Variants in SLC39A5 observed in about 807,000 individuals in gnomAD.
SLC39A5 encodes solute carrier family 39 member 5.
A neutral mutation model predicts 46.9 loss-of-function variants in SLC39A5; 42 were observed. That is an observed-to-expected ratio of 0.90 (90% CI 0.70 to 1.16). The LOEUF (loss-of-function observed/expected upper bound fraction) is 1.16. Ranked by LOEUF, SLC39A5 falls within the 50% of genes most tolerant of loss-of-function variation. SLC39A5 has a pLI of 0.00. For synonymous variants in SLC39A5, 311 were observed against 323.1 expected, an observed-to-expected ratio of 0.96 and a Z score of 0.40; for missense variants, 677 against 686.8, an observed-to-expected ratio of 0.99 and a Z score of 0.16.
chr12:56,235,363 T>A, intron 7 of SLC39A5, 37 bp downstream of exon 7: 1 of 1,506,048 alleles, frequency 6.6e-7, no homozygotes, highest in Non-Finnish European at 8.8e-7. Context: ...CTGGCCTCCA[T>A]GGATCTAAGG....
Position 56,231,215 on chromosome 12 carries a change from C to T in SLC39A5, c.-60C>T, listed in dbSNP as rs1565596839. The T allele has an allele frequency of 2.0e-6, 3 of 1,514,402 alleles. No homozygotes were observed. The highest frequency in any genetic ancestry group is 2.7e-6 in the Non-Finnish European group (3 of 1,122,992). The allele number at this position is 1,514,402 out of a possible 1,614,324, so 93.8% of individuals were successfully genotyped here. On this transcript the variant is annotated 5_prime_UTR_variant, in exon 4 of 13. Transcript: ENST00000454355. ...CCTCATTCTTCCAGGGCACAGTCCT[C>T]AGGATGTTTCGGGGAGAATAGGAGC...
In SLC39A5 at chr12:56,237,345, G is replaced by A. The variant is rs779311053; in HGVS notation, c.1479+5G>A. On this transcript the variant is annotated splice_donor_5th_base_variant and intron_variant, in intron 12 of 12. Transcript: ENST00000454355. Reference sequence around the variant, plus strand: ...TATGTGGCCCTTGTGGACATGGTGAGAGATGTCGGGTAGAGCAGAGAAATC... The same window carrying A: ...TATGTGGCCCTTGTGGACATGGTGAAAGATGTCGGGTAGAGCAGAGAAATC... The A allele has an allele frequency of 2.5e-6, 4 of 1,581,916 alleles. No individual in the cohort carries two copies. The Admixed American group carries it at 7.0e-5, about 28-fold the overall frequency.
intron 7 of SLC39A5, 116 bp from the exon 8 acceptor site, chr12:56,235,444 C>T: frequency 6.6e-7 from 1 of 1,511,396 alleles, no homozygotes; most frequent in Middle Eastern, 1.9e-4. Context: ...ATCCTGGCTT[C>T]AGCCCACAGC....
Position 56,237,149 on chromosome 12 carries a change from G to C in SLC39A5, c.1289-1G>C, listed in dbSNP as rs199593141. The C allele has an allele frequency of 6.2e-7, 1 of 1,613,794 alleles. No homozygotes were observed. The highest frequency in any genetic ancestry group is 1.7e-5 in the Admixed American group (1 of 60,022). ...CCCATCCTGTCCTCTGTCTCCAATA[G>C]GTGACTTTGCCATGCTGCTCCAGTC... is the stretch of plus-strand genomic sequence containing the variant. On this transcript the variant is annotated splice_acceptor_variant, in intron 11 of 12. Transcript: ENST00000454355. LOFTEE classifies it high-confidence loss of function.
Position 56,237,752 on chromosome 12 carries a change from C to G in SLC39A5, c.*21C>G. 1 of 1,510,956 alleles carries G rather than the reference C, an allele frequency of 6.6e-7. No individual in the cohort carries two copies. 93.6% of individuals were successfully genotyped at this position (1,510,956 alleles called of 1,614,324 possible). A position where few individuals can be genotyped will look rare whatever the true frequency, so the allele number is the denominator to read the frequency against. On this transcript the variant is annotated 3_prime_UTR_variant, in exon 13 of 13. Transcript: ENST00000454355. ...GCTGATGGGGCCAGTGGAAAGGGGTCGGGTTGCCCTTCCTTCCCCCCAACC... is the reference window on the plus strand; with the variant it reads ...GCTGATGGGGCCAGTGGAAAGGGGTGGGGTTGCCCTTCCTTCCCCCCAACC...
At position 56,235,276 on chromosome 12, in the gene SLC39A5, C is replaced by T; in HGVS notation, c.754C>T (p.Leu252=). The change falls in exon 7 of 13, where the codon CTG becomes TTG. Residue 252 remains leucine, a synonymous_variant. Coordinates refer to ENST00000454355, the MANE Select transcript of SLC39A5 (RefSeq NM_173596.3). ...GCCCTTGCTGGGCTTCCTGGGGGCC[C>T]TGGCGGTGGGCACTCTTTGTGGGGA... ...LRPLLGFLGA[L]AVGTLCGDAL... 1 of 1,560,632 alleles carries T rather than the reference C, an allele frequency of 6.4e-7. No homozygotes were observed. Among genetic ancestry groups the T allele is most frequent in the Non-Finnish European group, 8.6e-7 (1 of 1,159,078 alleles).
Position 56,235,137 on chromosome 12 carries a change from C to G in SLC39A5, c.635-20C>G, listed in dbSNP as rs1870609221. The G allele has an allele frequency of 6.5e-7, 1 of 1,544,424 alleles. No homozygotes were observed. The highest frequency in any genetic ancestry group is 1.4e-5 in the African/African-American group (1 of 72,986). On this transcript the variant is annotated intron_variant, in intron 6 of 12. Coordinates refer to ENST00000454355, the MANE Select transcript of SLC39A5 (RefSeq NM_173596.3). ...CCCTCCTCTTGCCCTGACCTAACTTCAGCCCCTGATTCTCCCCAGCCCTGC... is the reference window on the plus strand; with the variant it reads ...CCCTCCTCTTGCCCTGACCTAACTTGAGCCCCTGATTCTCCCCAGCCCTGC...
rs190059993 is a variant in SLC39A5, at chr12:56,234,910, A to C, written c.558A>C (p.Pro186=). Residue 186 remains proline (P), a synonymous_variant, in exon 6 of 13, where the codon CCA becomes CCC. Coordinates refer to ENST00000454355, the MANE Select transcript of SLC39A5 (RefSeq NM_173596.3). Reference sequence around the variant, plus strand: ...CTCGTCAGTTTGCTCTGCTGTGCCCAGCCCTGCTTTATCAGATCGACAGCC... The same window carrying C: ...CTCGTCAGTTTGCTCTGCTGTGCCCCGCCCTGCTTTATCAGATCGACAGCC... The part of the protein sequence containing the change: ...LTPRQFALLC[P]ALLYQIDSRV... 909 of 1,613,854 alleles carry C rather than the reference A, an allele frequency of 5.6e-4. 19 individuals are homozygous for C. The East Asian group carries it at 0.017, about 30-fold the overall frequency.
In SLC39A5 at chr12:56,232,889, C is replaced by T. The variant is rs1870366695; in HGVS notation, c.471+17C>T. On this transcript the variant is annotated intron_variant, in intron 5 of 12. Coordinates refer to ENST00000454355, the MANE Select transcript of SLC39A5 (RefSeq NM_173596.3). ...AATGAGGATGTGAGTCTGACGGTCT[C>T]TAGAGGGGAAGGAGCCATGGGATTA... The T allele has an allele frequency of 6.3e-7, 1 of 1,598,110 alleles. No individual in the cohort carries two copies. Among genetic ancestry groups the T allele is most frequent in the Non-Finnish European group, 8.5e-7 (1 of 1,174,164 alleles).
rs912571272 is a variant in SLC39A5 at position 56,231,285 on chromosome 12, C to G, written c.11C>G (p.Ser4Cys). 2.5e-6 allele frequency: 4 copies of G among 1,606,242 alleles called. No individual in the cohort carries two copies. The highest frequency in any genetic ancestry group is 1.3e-5 in the African/African-American group (1 of 74,808). MMGSPVSHLLAGFC... is the reference protein window; with the variant it reads MMGCPVSHLLAGFC... ...CTATTCCCCTCACCAATGATGGGGT[C>G]CCCAGTGAGTCATCTGCTGGCCGGC... is the stretch of plus-strand genomic sequence containing the variant. The change falls in exon 4 of 13, where the codon TCC becomes TGC. Residue 4 changes from serine to cysteine, a missense_variant. Transcript: ENST00000454355.
rs374210703 is a variant in SLC39A5 at position 56,236,426 on chromosome 12, G to A, written c.976G>A (p.Glu326Lys). The A allele has an allele frequency of 1.3e-5, 21 of 1,614,114 alleles. No individual in the cohort carries two copies. In the Admixed American group the frequency reaches 1.3e-4, roughly 10 times the overall value. ...RCCRRKRRNL[E>K]TRNLDPENGS... ...CTGCAGGCGAAAACGAAGGAATCTC[G>A]AAACACGCAACTTGGATCCGGAGAA... is the stretch of plus-strand genomic sequence containing the variant. Residue 326 changes from glutamate (E) to lysine (K), a missense_variant, in exon 9 of 13, where the codon GAA becomes AAA. Transcript: ENST00000454355.
rs748438321 is a variant in SLC39A5, at chr12:56,235,652, T to C, written c.897T>C (p.Phe299=). Reference sequence around the variant, plus strand: ...TGCTCGGAGGCCTCTTCCTGCTCTTTGTGCTGGAGAACATGCTGGGGCTTT... The same window carrying C: ...TGCTCGGAGGCCTCTTCCTGCTCTTCGTGCTGGAGAACATGCTGGGGCTTT... The part of the protein sequence containing the change: ...LSVLGGLFLL[F]VLENMLGLLR... Residue 299 remains phenylalanine, a synonymous_variant, in exon 8 of 13, where the codon TTT becomes TTC. Coordinates refer to ENST00000454355, the MANE Select transcript of SLC39A5 (RefSeq NM_173596.3). The C allele has an allele frequency of 1.1e-5, 17 of 1,614,118 alleles. No individual in the cohort carries two copies. The highest frequency in any genetic ancestry group is 1.4e-5 in the Non-Finnish European group (16 of 1,179,996).
At chr12:56,236,282 T>A in intron 8 of SLC39A5, 114 bp from the exon 9 acceptor site, 1 of 914,670 alleles carries the variant, frequency 1.1e-6, no homozygotes. Context: ...CCAAAGAACA[T>A]CCCAGGTGCC....
At chr12:56,234,255 C>T (rs1484408403) in intron 5 of SLC39A5, among the ~76,000 whole-genome samples, 6 of 151,842 alleles carry the variant, frequency 4.0e-5, no homozygotes, top group Non-Finnish European at 7.4e-5. Flanking sequence ...TAAAGCAATT[C>T]TCCTGCCTCA....
Position 56,236,959 on chromosome 12 carries a change from C to A in SLC39A5, c.1236C>A (p.Ser412Arg), listed in dbSNP as rs376657405. 5.6e-6 allele frequency: 9 copies of A among 1,614,114 alleles called. No homozygotes were observed. The South Asian group carries it at 8.8e-5, about 16-fold the overall frequency. The stretch of plus-strand genomic sequence containing the variant: ...CTGCCTTCTCTGATGGCTTCTCCAG[C>A]GGCCTCAGTACCACCTTAGCGGTCT... ...IGAAFSDGFS[S>R]GLSTTLAVFC... Residue 412 changes from serine to arginine, a missense_variant, in exon 11 of 13, where the codon AGC becomes AGA. Coordinates refer to ENST00000454355, the MANE Select transcript of SLC39A5 (RefSeq NM_173596.3).
chr12:56,236,294 G>A, intron 8 of SLC39A5, 102 bp from the exon 9 acceptor site: 1 of 1,034,824 alleles, frequency 9.7e-7, no homozygotes, highest in African/African-American at 1.6e-5. Flanking sequence ...CCAGGTGCCA[G>A]AGGTGGAACC....
At chr12:56,237,567 G>A in intron 12 of SLC39A5, 21 bp from the exon 13 acceptor site, 1 of 1,613,634 alleles carries the variant, frequency 6.2e-7, no homozygotes, top group Non-Finnish European at 8.5e-7. Flanking sequence ...CCAGAATCCT[G>A]ACATCCTCTT....
At chr12:56,233,418 C>G (rs1368724948) in intron 5 of SLC39A5, among the ~76,000 whole-genome samples, 1 of 151,656 alleles carries the variant, frequency 6.6e-6, no homozygotes, top group Non-Finnish European at 1.5e-5. Flanking sequence ...CCACTGCACT[C>G]CAGCCTGGGT....
At chr12:56,235,007 G>T in intron 6 of SLC39A5, 21 bp downstream of exon 6, 1 of 1,611,798 alleles carries the variant, frequency 6.2e-7, no homozygotes, top group Non-Finnish European at 8.5e-7. Flanking sequence ...AGGAGTGGGT[G>T]GGGGACACCC....
Sources: gnomAD v4.1 joint callset for allele counts (sites outside exome capture counted in the v4.1 genomes callset) on GRCh38, gnomAD v4.1.1 for gene constraint, MANE v1.5 for transcripts, NCBI Gene and HGNC (gene_info 2026-07-23, HGNC 2026-07-21) for gene names.